The following SGCD variants were observed in gnomAD, a reference collection of about 807,000 sequenced individuals.
SGCD encodes sarcoglycan delta.
In SGCD, 18 loss-of-function variants were observed where a neutral mutation model predicts 36.6. The observed-to-expected ratio is 0.49, with a 90% CI of 0.34 to 0.73. SGCD has a LOEUF of 0.73. Among genes scored for constraint, SGCD ranks in the 30% least tolerant of loss-of-function variants. SGCD has a pLI of 0.01. For missense variants in SGCD, 387 were observed against 346.7 expected, an observed-to-expected ratio of 1.12 and a Z score of -0.92; for synonymous variants, 133 against 130.6, an observed-to-expected ratio of 1.02 and a Z score of -0.12.
At chr5:156,551,445 G>A (rs900673000) in intron 4 of SGCD, among the ~76,000 whole-genome samples, 1 of 152,004 alleles carries the variant, frequency 6.6e-6, no homozygotes, top group Non-Finnish European at 1.5e-5. Flanking sequence ...TCACAATCAC[G>A]ATCCAGTACA....
chr5:155,774,017 A>T, the SGCD span, among the ~76,000 whole-genome samples: 4 of 152,262 alleles, frequency 2.6e-5, no homozygotes, highest in Non-Finnish European at 4.4e-5. Flanking sequence ...GCTTGATAAA[A>T]GTTGGAATCA....
Position 156,764,685 on chromosome 5 carries a change from A to G in SGCD, c.*5295A>G, listed in dbSNP as rs1757556554. ...CCTTCCTTTTGTAGATATTGACAGA[A>G]TAGGAGGAAATGAGCATCCTTATTT... is the stretch of plus-strand genomic sequence containing the variant. On this transcript the variant is annotated 3_prime_UTR_variant, in exon 9 of 9. Transcript: ENST00000337851. 6.6e-6 allele frequency: 1 copy of G among 152,256 alleles called. No individual in the cohort carries two copies. The highest frequency in any genetic ancestry group is 6.5e-5 in the Admixed American group (1 of 15,270). 9.4% of individuals were successfully genotyped at this position (152,256 alleles called of 1,614,324 possible). A position where few individuals can be genotyped will look rare whatever the true frequency, so the allele number is the denominator to read the frequency against.
At chr5:155,834,552 T>C in the SGCD span, among the ~76,000 whole-genome samples, 4 of 152,220 alleles carry the variant, frequency 2.6e-5, no homozygotes, top group African/African-American at 9.6e-5. Flanking sequence ...AATAATATGT[T>C]TTCCATTTTT....
intron 3 of SGCD, among the ~76,000 whole-genome samples, chr5:156,451,524 T>C (rs530625653): frequency 2.0e-5 from 3 of 152,252 alleles, no homozygotes; most frequent in East Asian, 1.9e-4. Flanking sequence ...TGGAGCAGTC[T>C]TGGAAGAATG....
intron 4 of SGCD, among the ~76,000 whole-genome samples, chr5:156,553,826 G>A (rs1758892544): frequency 6.6e-6 from 1 of 151,922 alleles, no homozygotes; most frequent in South Asian, 2.1e-4. Context: ...ATTACGTTTG[G>A]GTACACCACA....
intron 3 of SGCD, among the ~76,000 whole-genome samples, chr5:156,349,956 A>G (rs907251640): frequency 6.6e-6 from 1 of 151,890 alleles, no homozygotes; most frequent in African/African-American, 2.4e-5. Flanking sequence ...ACCAGAGGCC[A>G]TTTTTCTAAG....
intron 3 of SGCD, among the ~76,000 whole-genome samples, chr5:156,195,376 T>C (rs1051030413): frequency 2.6e-5 from 4 of 152,212 alleles, no homozygotes; most frequent in Admixed American, 1.3e-4. Flanking sequence ...ATTCTAAAAA[T>C]TCCTTCAAAT....
intron 3 of SGCD, among the ~76,000 whole-genome samples, chr5:156,274,813 ATC>A (rs970445938): frequency 3.2e-4 from 49 of 152,070 alleles, no homozygotes; most frequent in African/African-American, 1.1e-3. Flanking sequence ...TGGTCACGAA[ATC>A]TCTTGTTTCA....
chr5:156,203,475 A>G (rs1173255190), intron 3 of SGCD, among the ~76,000 whole-genome samples: 1 of 152,154 alleles, frequency 6.6e-6, no homozygotes, highest in East Asian at 1.9e-4. Flanking sequence ...TGGCTATATC[A>G]TTACATATTC....
At chr5:155,862,081 G>T in the SGCD span, among the ~76,000 whole-genome samples, 5 of 152,196 alleles carry the variant, frequency 3.3e-5, no homozygotes, top group African/African-American at 4.8e-5. Flanking sequence ...CAGGAGACTT[G>T]ACACATGTCT....
chr5:156,410,434 G>T (rs1272655490), intron 3 of SGCD, among the ~76,000 whole-genome samples: 1 of 152,150 alleles, frequency 6.6e-6, no homozygotes, highest in Non-Finnish European at 1.5e-5. Context: ...TCACTACCTG[G>T]GTGATGGGAT....
At chr5:156,242,586 G>A (rs1765332391) in intron 3 of SGCD, among the ~76,000 whole-genome samples, 1 of 152,154 alleles carries the variant, frequency 6.6e-6, no homozygotes, top group African/African-American at 2.4e-5. Context: ...TCTTTGTGGG[G>A]AAATTAAGTA....
intron 3 of SGCD, among the ~76,000 whole-genome samples, chr5:156,362,713 G>T (rs1459732368): frequency 4.6e-5 from 7 of 152,158 alleles, no homozygotes; most frequent in African/African-American, 1.7e-4. Context: ...GCTAGTCTCT[G>T]GGATGGACCA....
intron 7 of SGCD, among the ~76,000 whole-genome samples, chr5:156,726,862 C>T (rs1446920540): frequency 1.3e-5 from 2 of 152,186 alleles, no homozygotes; most frequent in African/African-American, 2.4e-5. Flanking sequence ...TTTGCTGCTA[C>T]ATATCTGTAT....
intron 3 of SGCD, among the ~76,000 whole-genome samples, chr5:156,239,628 C>CT (rs1274912758): frequency 4.6e-5 from 7 of 151,992 alleles, no homozygotes; most frequent in African/African-American, 1.7e-4. Flanking sequence ...TTAGAAAACA[C>CT]TTAGGGAATG....
chr5:156,138,499 A>G (rs1762509259), intron 3 of SGCD, among the ~76,000 whole-genome samples: 1 of 152,212 alleles, frequency 6.6e-6, no homozygotes, highest in African/African-American at 2.4e-5. Flanking sequence ...TGTTTTTGAG[A>G]TTCATCCATG....
At chr5:155,767,914 T>C in the SGCD span, among the ~76,000 whole-genome samples, 1 of 152,212 alleles carries the variant, frequency 6.6e-6, no homozygotes, top group Non-Finnish European at 1.5e-5. Flanking sequence ...TTACTTCTTC[T>C]AAGAAATAAT....
At chr5:156,392,312 G>C (rs1232095456) in intron 3 of SGCD, among the ~76,000 whole-genome samples, 1 of 152,230 alleles carries the variant, frequency 6.6e-6, no homozygotes, top group Non-Finnish European at 1.5e-5. Context: ...GGGACAAGAA[G>C]ACACTGAATA....
chr5:156,247,703 A>G (rs1765473925), intron 3 of SGCD, among the ~76,000 whole-genome samples: 1 of 152,192 alleles, frequency 6.6e-6, no homozygotes, highest in African/African-American at 2.4e-5. Flanking sequence ...ACAAATACAC[A>G]ACGGAGGTTA....
Sources: gnomAD v4.1 joint callset for allele counts (sites outside exome capture counted in the v4.1 genomes callset) on GRCh38, gnomAD v4.1.1 for gene constraint, MANE v1.5 for transcripts, NCBI Gene and HGNC (gene_info 2026-07-23, HGNC 2026-07-21) for gene names.